The following MECOM variants were observed in gnomAD, a reference collection of about 807,000 sequenced individuals.
The protein encoded by MECOM is MDS1 and EVI1 complex locus.
Under a neutral mutation model 116.3 loss-of-function variants are expected in MECOM, and 13 were observed. That is an observed-to-expected ratio of 0.11 (90% CI 0.07 to 0.18). The LOEUF is 0.18. MECOM is among the 10% of genes least tolerant of loss of function. The probability of loss-of-function intolerance (pLI) is 1.00; values close to 1 mark genes in which losing one functional copy is unlikely to be tolerated. For missense variants in MECOM, 1,299 were observed against 1,509.0 expected (o/e 0.86, Z 2.31); for synonymous variants, 528 against 535.2 (o/e 0.99, Z 0.19).
chr3:169,626,419 C>T (rs899358343), intron 1 of MECOM, among the ~76,000 whole-genome samples: 2 of 152,208 alleles, frequency 1.3e-5, no homozygotes, highest in African/African-American at 4.8e-5. Flanking sequence ...TACATTTGCC[C>T]TCAAAGTAGT....
intron 1 of MECOM, among the ~76,000 whole-genome samples, chr3:169,403,552 T>C (rs1025815782): frequency 2.6e-5 from 4 of 152,202 alleles, no homozygotes; most frequent in African/African-American, 9.6e-5. Context: ...GCATTCTGTT[T>C]TGGATTTTCA....
chr3:169,594,882 A>AAAC (rs1560473765), intron 1 of MECOM, among the ~76,000 whole-genome samples: 1 of 151,082 alleles, frequency 6.6e-6, no homozygotes, highest in East Asian at 1.9e-4. Flanking sequence ...CTAACTGAAA[A>AAAC]AAAAAAAAAC....
chr3:169,617,429 G>A (rs747484141), intron 1 of MECOM, among the ~76,000 whole-genome samples: 1 of 152,166 alleles, frequency 6.6e-6, no homozygotes, highest in Non-Finnish European at 1.5e-5. Context: ...ATGGGCCTGA[G>A]AGTCTGCATT....
chr3:169,389,583 T>C (rs1325510749), intron 1 of MECOM: 2 of 985,420 alleles, frequency 2.0e-6, no homozygotes, highest in Non-Finnish European at 2.4e-6. Flanking sequence ...TTTTTCTTCA[T>C]AAGCTTTCTA....
intron 2 of MECOM, among the ~76,000 whole-genome samples, chr3:169,183,819 C>CAT (rs1231405866): frequency 0.012 from 996 of 85,988 alleles, 21 homozygotes; most frequent in Non-Finnish European, 0.014. Flanking sequence ...CACACACACA[C>CAT]ATATATATAT....
At chr3:169,172,681 GTCCTTAGGCTAAAGGA>G (rs1744615423) in intron 2 of MECOM, among the ~76,000 whole-genome samples, 1 of 152,126 alleles carries the variant, frequency 6.6e-6, no homozygotes, top group Non-Finnish European at 1.5e-5. Flanking sequence ...AAGATTTTGT[GTCCTTAGGCTAAAGGA>G]CAATTAGTCA....
At chr3:169,606,017 G>T (rs1365361487) in intron 1 of MECOM, among the ~76,000 whole-genome samples, 1 of 152,156 alleles carries the variant, frequency 6.6e-6, no homozygotes, top group African/African-American at 2.4e-5. Context: ...TGACTGGTAG[G>T]ACCAGTTTAG....
At chr3:169,151,494 T>A (rs2149326389) in intron 2 of MECOM, among the ~76,000 whole-genome samples, 1 of 152,336 alleles carries the variant, frequency 6.6e-6, no homozygotes, top group South Asian at 2.1e-4. Flanking sequence ...CATCTTTGTT[T>A]TAACTCTATT....
In MECOM at chr3:169,608,246, G is replaced by T. The variant is rs555043565; in HGVS notation, c.37+55090C>A. On this transcript the variant is annotated intron_variant, in intron 1 of 16. Transcript: ENST00000651503. ...CAGGTGTGACGTGTTTGATCGCTGA[G>T]GCCTGCTAGTCAGTCTGACCTGGTG... Among the ~76,000 whole-genome samples, 188 of 152,296 alleles carry T rather than the reference G, an allele frequency of 1.2e-3. 1 individual carries two copies. The highest frequency in any genetic ancestry group is 4.4e-3 in the African/African-American group (181 of 41,556).
At chr3:169,482,138 G>T (rs907638598) in intron 1 of MECOM, among the ~76,000 whole-genome samples, 7 of 150,864 alleles carry the variant, frequency 4.6e-5, no homozygotes, top group African/African-American at 1.7e-4. Context: ...CCTCCACCAC[G>T]ATCTTATTAG....
intron 2 of MECOM, among the ~76,000 whole-genome samples, chr3:169,316,796 G>T (rs1430334606): frequency 6.6e-6 from 1 of 152,164 alleles, no homozygotes; most frequent in African/African-American, 2.4e-5. Context: ...CAAGTGATCT[G>T]CGTGCCTTGG....
chr3:169,287,023 C>T (rs553595750), intron 2 of MECOM, among the ~76,000 whole-genome samples: 1 of 152,202 alleles, frequency 6.6e-6, no homozygotes, highest in South Asian at 2.1e-4. Context: ...TCCTTGTACT[C>T]GGTGTGATAC....
chr3:169,284,286 C>T (rs1467078879), intron 2 of MECOM, among the ~76,000 whole-genome samples: 3 of 152,176 alleles, frequency 2.0e-5, no homozygotes, highest in South Asian at 4.1e-4. Context: ...TCGGAAACCA[C>T]GGGGTCACAT....
chr3:169,154,807 G>A (rs2149333667), intron 2 of MECOM, among the ~76,000 whole-genome samples: 1 of 152,072 alleles, frequency 6.6e-6, no homozygotes, highest in East Asian at 1.9e-4. Flanking sequence ...CATTATTATT[G>A]CTCAGCCTAT....
chr3:169,429,933 C>T (rs956066967), intron 1 of MECOM, among the ~76,000 whole-genome samples: 7 of 152,210 alleles, frequency 4.6e-5, no homozygotes, highest in Admixed American at 2.0e-4. Context: ...GTCTCTCCTA[C>T]AGCTGAAAGT....
At chr3:169,623,556 G>A (rs1302746264) in intron 1 of MECOM, among the ~76,000 whole-genome samples, 6 of 152,126 alleles carry the variant, frequency 3.9e-5, no homozygotes, top group Middle Eastern at 6.8e-3. Flanking sequence ...GTCTACAGCC[G>A]TACCATCCTG....
intron 2 of MECOM, among the ~76,000 whole-genome samples, chr3:169,312,319 A>G (rs1191255396): frequency 6.6e-6 from 1 of 151,424 alleles, no homozygotes. Flanking sequence ...TTGATGATTA[A>G]TTTGATGTAG....
chr3:169,156,414 C>T (rs1038524732), intron 2 of MECOM, among the ~76,000 whole-genome samples: 2 of 152,098 alleles, frequency 1.3e-5, no homozygotes, highest in Non-Finnish European at 2.9e-5. Context: ...ATTCCCCATA[C>T]ATATATTTTT....
intron 14 of MECOM, among the ~76,000 whole-genome samples, chr3:169,091,783 A>ATT (rs150963722): frequency 1.3e-5 from 2 of 151,804 alleles, no homozygotes; most frequent in African/African-American, 4.8e-5. Context: ...AGAAGTGGTC[A>ATT]TTTTTTTTGT....
Sources: gnomAD v4.1 joint callset for allele counts (sites outside exome capture counted in the v4.1 genomes callset) on GRCh38, gnomAD v4.1.1 for gene constraint, MANE v1.5 for transcripts, NCBI Gene and HGNC (gene_info 2026-07-23, HGNC 2026-07-21) for gene names.